The following KIF23 variants were observed in gnomAD, a reference collection of about 807,000 sequenced individuals.
KIF23 encodes the protein kinesin family member 23, also known as kinesin-like protein KIF23.
A neutral mutation model predicts 137.5 loss-of-function variants in KIF23; 30 were observed. That is an observed-to-expected ratio of 0.22 (90% confidence interval 0.16 to 0.30). The LOEUF is 0.30. Ranked by LOEUF, KIF23 falls within the 10% of genes least tolerant of loss-of-function variation. The pLI, the probability that KIF23 is intolerant of heterozygous loss-of-function variation, is 1.00. For synonymous variants in KIF23, 367 were observed against 391.1 expected (o/e 0.94, Z 0.73); for missense variants, 920 against 1,194.3 (o/e 0.77, Z 3.38).
At chr15:69,434,440 C>T in intron 11 of KIF23, 1 of 456,326 alleles carries the variant, frequency 2.2e-6, no homozygotes, top group Non-Finnish European at 4.1e-6. Context: ...TCTCCCTTCT[C>T]CCTGAAACTT....
chr15:69,436,009 C>A, intron 13 of KIF23, 129 bp from the exon 14 acceptor site: 2 of 1,268,828 alleles, frequency 1.6e-6, no homozygotes, highest in Non-Finnish European at 1.1e-6. Context: ...CGTGTTCATG[C>A]CACTGCACTC....
chr15:69,429,792 A>C (rs2057307794), intron 11 of KIF23, among the ~76,000 whole-genome samples: 1 of 152,128 alleles, frequency 6.6e-6, no homozygotes, highest in African/African-American at 2.4e-5. Context: ...AGGCCAAGGC[A>C]TGTGGATCAC....
At chr15:69,415,863 A>G in intron 1 of KIF23, 131 bp from the exon 2 acceptor site, 1 of 613,010 alleles carries the variant, frequency 1.6e-6, no homozygotes, top group Non-Finnish European at 2.8e-6. Flanking sequence ...GTTATTTGGG[A>G]TGCAGTGTTT....
intron 22 of KIF23, chr15:69,446,663 C>T: frequency 1.6e-6 from 1 of 628,926 alleles, no homozygotes; most frequent in Middle Eastern, 4.3e-4. Context: ...AGATAAGTTA[C>T]CTGGATGACC....
intron 3 of KIF23, among the ~76,000 whole-genome samples, chr15:69,420,653 G>A (rs17341173): frequency 0.084 from 12,789 of 152,160 alleles, 994 homozygotes; most frequent in African/African-American, 0.2. Context: ...TCAAAACGTG[G>A]TATTATGCTG....
At chr15:69,435,606 G>A (rs751907436) in intron 12 of KIF23, 44 bp downstream of exon 12, 2 of 1,612,458 alleles carry the variant, frequency 1.2e-6, no homozygotes, top group East Asian at 4.5e-5. Context: ...TTTCATTTGT[G>A]TGCATTTTTT....
At chr15:69,419,611 C>T (rs889275560) in intron 3 of KIF23, among the ~76,000 whole-genome samples, 2 of 152,190 alleles carry the variant, frequency 1.3e-5, no homozygotes, top group African/African-American at 4.8e-5. Context: ...CCCCTCTCCC[C>T]TGGTCTGTAC....
rs765532090 is a variant in KIF23 at position 69,436,550 on chromosome 15, A to G, written c.1439-14A>G. On this transcript the variant is annotated splice_polypyrimidine_tract_variant and intron_variant, in intron 14 of 23. Transcript: ENST00000679126. ...CCTATGTAACTTTTTGTAATTTTCT[A>G]TAATTCAATACAGAACCATTGGTTA... The G allele has an allele frequency of 1.9e-5, 30 of 1,581,882 alleles. No individual in the cohort carries two copies. The highest frequency in any genetic ancestry group is 5.4e-5 in the African/African-American group (4 of 73,438).
intron 1 of KIF23, 94 bp downstream of exon 1, chr15:69,414,570 C>G (rs533230898): frequency 4.9e-5 from 61 of 1,234,872 alleles, no homozygotes; most frequent in Admixed American, 3.3e-4. Context: ...CGCGGCCGTA[C>G]GCGGGCAGCG....
In KIF23 at chr15:69,426,256, A is replaced by AT. The variant is rs933385528; in HGVS notation, c.890-72dup. ...AGAGTTGCTACTAAGTTTGATGGCA[A>AT]TTTTTTTTGACTTATTAGAAAGCAT... On this transcript the variant is annotated intron_variant, in intron 9 of 23. Transcript: ENST00000679126. 2.5e-5 allele frequency: 40 copies of AT among 1,592,746 alleles called. No individual in the cohort carries two copies. The East Asian group carries it at 3.8e-4, about 15-fold the overall frequency.
At chr15:69,429,935 T>C (rs1454823292) in intron 11 of KIF23, among the ~76,000 whole-genome samples, 3 of 152,080 alleles carry the variant, frequency 2.0e-5, no homozygotes, top group Non-Finnish European at 4.4e-5. Context: ...GAGAATTGCT[T>C]GAGCCCTGGA....
intron 11 of KIF23, chr15:69,435,014 C>T (rs1031644645): frequency 4.9e-5 from 29 of 593,668 alleles, no homozygotes; most frequent in Middle Eastern, 2.7e-4. Flanking sequence ...CGCTCAACAC[C>T]GCGTTGGCAT....
At chr15:69,421,286 G>A (rs974064683) in intron 3 of KIF23, among the ~76,000 whole-genome samples, 3 of 152,142 alleles carry the variant, frequency 2.0e-5, no homozygotes, top group African/African-American at 7.2e-5. Flanking sequence ...TACTTGGGAG[G>A]CTGAGGCAGG....
Position 69,444,941 on chromosome 15 carries a change from T to G in KIF23, c.2573T>G (p.Val858Gly). ...CCACATGTCCCTCATGCCATCACAG[T>G]ATCTGTTGCAAATGAAAAGGCACTA... ...MQPHVPHAIT[V>G]SVANEKALAK... Residue 858 changes from valine (V) to glycine (G), a missense_variant, in exon 20 of 24, where the codon GTA (valine) becomes GGA (glycine). Around this residue, in one of 4 missense-constraint regions of KIF23, gnomAD observed 75 missense variants for 177.9 expected, o/e 0.42. Transcript: ENST00000679126. The surrounding 1 kb of genome is among the most constrained non-coding windows in gnomAD (Gnocchi z 4.2). 6.2e-7 allele frequency: 1 copy of G among 1,614,182 alleles called. No homozygotes were observed. Among genetic ancestry groups the G allele is most frequent in the Non-Finnish European group, 8.5e-7 (1 of 1,180,042 alleles).
Position 69,447,818 on chromosome 15 carries a change from C to G in KIF23, c.*11C>G. On this transcript the variant is annotated 3_prime_UTR_variant, in exon 24 of 24. Transcript: ENST00000679126. ...CGCAAAAAGCCATGAACTGACAGTC[C>G]CAGTACTGAAAGAACATTTTCATTT... The G allele has an allele frequency of 6.2e-7, 1 of 1,605,176 alleles. No individual in the cohort carries two copies. Among genetic ancestry groups the G allele is most frequent in the Admixed American group, 1.7e-5 (1 of 59,778 alleles).
chr15:69,416,137 T>C, intron 2 of KIF23, 74 bp downstream of exon 2: 2 of 931,132 alleles, frequency 2.1e-6, no homozygotes, highest in Admixed American at 5.8e-5. Context: ...CTTATGTGTA[T>C]GCTTGGAAGG....
chr15:69,427,177 G>A (rs1238914298), intron 10 of KIF23, among the ~76,000 whole-genome samples: 2 of 152,134 alleles, frequency 1.3e-5, no homozygotes, highest in East Asian at 3.8e-4. Context: ...TTTAAAAAGT[G>A]TATGGGAGGA....
At chr15:69,426,496 C>G (rs1269542479) in intron 10 of KIF23, 39 bp downstream of exon 10, 1 of 1,598,264 alleles carries the variant, frequency 6.3e-7, no homozygotes, top group Non-Finnish European at 8.5e-7. Flanking sequence ...GGTTCTAACT[C>G]TATCCTTAAT....
intron 13 of KIF23, 77 bp from the exon 14 acceptor site, chr15:69,436,061 A>C: frequency 6.5e-7 from 1 of 1,549,936 alleles, no homozygotes; most frequent in Non-Finnish European, 8.8e-7. Context: ...AAAATAAGCA[A>C]TCTTTGCTTC....
Sources: gnomAD v4.1 joint callset for allele counts (sites outside exome capture counted in the v4.1 genomes callset) on GRCh38, gnomAD v4.1.1 for gene constraint, gnomAD v4.1.1 regional missense constraint, Gnocchi (gnomAD v3.1) non-coding constraint, MANE v1.5 for transcripts, NCBI Gene and HGNC (gene_info 2026-07-23, HGNC 2026-07-21) for gene names.